RYR2: variants seen among roughly 807,000 people sequenced by gnomAD.
RYR2 encodes the protein ryanodine receptor 2, also known as cardiac muscle ryanodine receptor-calcium release channel.
RYR2 carries 227 observed loss-of-function variants against 601.1 expected under a neutral mutation model. The ratio of observed to expected loss-of-function variants is 0.38; its 90% confidence interval spans 0.34 to 0.42. The LOEUF is 0.42. Among genes scored for constraint, RYR2 ranks in the 10% least tolerant of loss-of-function variants. The probability of loss-of-function intolerance (pLI) is 1.00; values close to 1 mark genes in which losing one functional copy is unlikely to be tolerated. For missense variants in RYR2, 4,646 were observed against 6,156.5 expected, an observed-to-expected ratio of 0.75 and a Z score of 8.21; for synonymous variants, 2,223 against 2,175.1, an observed-to-expected ratio of 1.02 and a Z score of -0.61.
Position 237,307,698 on chromosome 1 carries a change from TATG to T in RYR2, c.169-23177_169-23175del, listed in dbSNP as rs550608885. On this transcript the variant is annotated intron_variant, in intron 2 of 104. Transcript: ENST00000366574. ...GACCCTTAGAGTCTGTTCCATTCCT[TATG>T]ATATTTATGTAGATCCTGAAAATTA... is the stretch of plus-strand genomic sequence containing the variant. Among the ~76,000 whole-genome samples, 105 of 152,332 alleles carry T rather than the reference TATG, an allele frequency of 6.9e-4. No individual in the cohort carries two copies. In the Middle Eastern group the frequency reaches 0.01, roughly 15 times the overall value.
At chr1:237,439,850 A>T (rs1707742476) in intron 12 of RYR2, among the ~76,000 whole-genome samples, 1 of 151,860 alleles carries the variant, frequency 6.6e-6, no homozygotes, top group South Asian at 2.1e-4. Flanking sequence ...AAAATGTTAG[A>T]GGCTCACTGT....
intron 40 of RYR2, among the ~76,000 whole-genome samples, chr1:237,626,580 CT>C (rs60885998): frequency 0.032 from 1,285 of 39,802 alleles, no homozygotes; most frequent in East Asian, 0.053. Context: ...TTTTCTTTTT[CT>C]TTTTTTTTTT....
At chr1:237,625,242 C>T (rs1479334654) in intron 39 of RYR2, among the ~76,000 whole-genome samples, 1 of 152,100 alleles carries the variant, frequency 6.6e-6, no homozygotes, top group Admixed American at 6.6e-5. Flanking sequence ...AACCAAAATA[C>T]TGCTAAAATT....
chr1:237,082,524 CATATATATATATATATATATAT>C (rs71561856), intron 1 of RYR2, among the ~76,000 whole-genome samples: 14 of 79,958 alleles, frequency 1.8e-4, no homozygotes, highest in African/African-American at 2.5e-4. Context: ...AATAGGAAAA[CATATATATATATATATATATAT>C]ATATATATAT....
chr1:237,773,287 T>C (rs1186782202), intron 86 of RYR2, among the ~76,000 whole-genome samples: 1 of 152,222 alleles, frequency 6.6e-6, no homozygotes, highest in Non-Finnish European at 1.5e-5. Context: ...TTTTTAAAGC[T>C]AAGTTTTCTT....
chr1:237,196,178 C>G (rs1439092138), intron 1 of RYR2, among the ~76,000 whole-genome samples: 2 of 152,052 alleles, frequency 1.3e-5, no homozygotes, highest in Non-Finnish European at 2.9e-5. Flanking sequence ...TTTTCATGTT[C>G]TAGTAACAAA....
At chr1:237,134,127 G>A (rs929929427) in intron 1 of RYR2, among the ~76,000 whole-genome samples, 1 of 152,070 alleles carries the variant, frequency 6.6e-6, no homozygotes. Flanking sequence ...GGAGGACATT[G>A]GGCAGCTTCT....
intron 67 of RYR2, among the ~76,000 whole-genome samples, chr1:237,706,728 A>T (rs1688412922): frequency 6.6e-6 from 1 of 152,144 alleles, no homozygotes; most frequent in Admixed American, 6.5e-5. Flanking sequence ...GTAAAGTAGG[A>T]GGAATGGCTG....
chr1:237,707,322 G>A, intron 68 of RYR2, 53 bp downstream of exon 68: 2 of 963,880 alleles, frequency 2.1e-6, no homozygotes, highest in Non-Finnish European at 2.8e-6. Flanking sequence ...ATTTCCAAAA[G>A]AATTTTAAAT....
chr1:237,377,203 A>C, intron 7 of RYR2, 120 bp from the exon 8 acceptor site: 1 of 642,418 alleles, frequency 1.6e-6, no homozygotes, highest in Non-Finnish European at 2.6e-6. Flanking sequence ...TCATGGTGTA[A>C]GAGATTAATT....
intron 25 of RYR2, among the ~76,000 whole-genome samples, chr1:237,537,932 CAGA>C (rs1167246771): frequency 6.6e-6 from 1 of 152,056 alleles, no homozygotes; most frequent in Non-Finnish European, 1.5e-5. Flanking sequence ...TGAGGTGTAA[CAGA>C]AGGAGAGCTT....
At chr1:237,453,693 A>G (rs1572397921) in intron 14 of RYR2, among the ~76,000 whole-genome samples, 1 of 152,162 alleles carries the variant, frequency 6.6e-6, no homozygotes, top group East Asian at 1.9e-4. Context: ...TGATCTGTAG[A>G]CATGTTATAA....
At chr1:237,188,172 T>C (rs1293444457) in intron 1 of RYR2, among the ~76,000 whole-genome samples, 1 of 152,190 alleles carries the variant, frequency 6.6e-6, no homozygotes, top group African/African-American at 2.4e-5. Context: ...ATTAGTATGT[T>C]ACAGCTGTAA....
chr1:237,702,188 C>A, intron 66 of RYR2, 129 bp downstream of exon 66: 1 of 593,404 alleles, frequency 1.7e-6, no homozygotes. Context: ...TTTGAAATTC[C>A]TTGGAAGTAA....
chr1:237,612,247 C>A (rs1360831711), intron 36 of RYR2, among the ~76,000 whole-genome samples: 1 of 151,970 alleles, frequency 6.6e-6, no homozygotes, highest in Non-Finnish European at 1.5e-5. Context: ...TCTTTAGAAA[C>A]GAAAAGTAGA....
intron 1 of RYR2, among the ~76,000 whole-genome samples, chr1:237,184,619 A>G (rs780549668): frequency 1.3e-5 from 2 of 152,210 alleles, no homozygotes; most frequent in Non-Finnish European, 2.9e-5. Flanking sequence ...TTAAAATTAG[A>G]TAACGATGGA....
chr1:237,425,817 C>T (rs1040049043), intron 12 of RYR2, among the ~76,000 whole-genome samples: 2 of 151,906 alleles, frequency 1.3e-5, no homozygotes, highest in Non-Finnish European at 2.9e-5. Context: ...TATAAGTGGA[C>T]CTGCACAGTC....
At chr1:237,792,356 TG>T in intron 94 of RYR2, 33 bp downstream of exon 94, 1 of 569,254 alleles carries the variant, frequency 1.8e-6, no homozygotes, top group Non-Finnish European at 2.6e-6. Flanking sequence ...TACCTGTGTG[TG>T]TGTGTGTGTG....
chr1:237,110,371 C>T (rs983866052), intron 1 of RYR2, among the ~76,000 whole-genome samples: 2 of 151,270 alleles, frequency 1.3e-5, no homozygotes, highest in Non-Finnish European at 2.9e-5. Context: ...CCCATTAACT[C>T]GTCATTTAGC....
Sources: allele counts gnomAD v4.1 joint callset (sites outside exome capture counted in the v4.1 genomes callset), GRCh38; gene constraint gnomAD v4.1.1; transcripts MANE v1.5; gene names NCBI Gene and HGNC (gene_info 2026-07-23, HGNC 2026-07-21).